The following CLASP1 variants were observed in gnomAD, a reference collection of about 807,000 sequenced individuals.
CLASP1 encodes CLIP-associating protein 1.
A neutral mutation model predicts 192.3 loss-of-function variants in CLASP1; 38 were observed. The observed-to-expected ratio is 0.20, with a 90% CI of 0.15 to 0.26. CLASP1 has a LOEUF of 0.26. Ranked by LOEUF, CLASP1 falls within the 10% of genes least tolerant of loss-of-function variation. The pLI is 1.00. For synonymous variants in CLASP1, 691 were observed against 712.8 expected (o/e 0.97, Z 0.49); for missense variants, 1,433 against 1,932.5 (o/e 0.74, Z 4.85).
chr2:121,480,778 C>CCA (rs891326670), intron 8 of CLASP1, among the ~76,000 whole-genome samples: 3 of 152,190 alleles, frequency 2.0e-5, no homozygotes, highest in African/African-American at 7.2e-5. Context: ...TGGAACCTGG[C>CCA]CACAGCATCA....
intron 7 of CLASP1, among the ~76,000 whole-genome samples, chr2:121,504,273 T>C (rs1425649802): frequency 6.6e-6 from 1 of 151,786 alleles, no homozygotes; most frequent in African/African-American, 2.4e-5. Context: ...TTCTCACAGG[T>C]ATACTGGAGT....
intron 8 of CLASP1, among the ~76,000 whole-genome samples, chr2:121,492,637 A>T (rs1348515242): frequency 6.6e-6 from 1 of 151,436 alleles, no homozygotes; most frequent in Non-Finnish European, 1.5e-5. Context: ...ATGAGACACT[A>T]CTTCATAATT....
chr2:121,551,829 CA>C (rs1240831304), intron 2 of CLASP1, among the ~76,000 whole-genome samples: 2 of 151,976 alleles, frequency 1.3e-5, no homozygotes, highest in Non-Finnish European at 2.9e-5. Flanking sequence ...TGACATTCTT[CA>C]AAGAACTAGA....
rs538084372 is a variant in CLASP1, at chr2:121,631,633, AGGCACAGT to A, written c.-286+17731_-286+17738del. On this transcript the variant is annotated intron_variant, in intron 1 of 39. Transcript: ENST00000263710. ...ATTTTTAAAATACATATTGCAGGCC[AGGCACAGT>A]GGCTCACACCTGTAATCCCAGCACT... Among the ~76,000 whole-genome samples, 79 of 151,820 alleles carry A rather than the reference AGGCACAGT, an allele frequency of 5.2e-4. 1 individual carries two copies. In the East Asian group the frequency reaches 0.013, roughly 25 times the overall value.
At chr2:121,483,400 G>T (rs569281592) in intron 8 of CLASP1, among the ~76,000 whole-genome samples, 1 of 152,026 alleles carries the variant, frequency 6.6e-6, no homozygotes, top group East Asian at 1.9e-4. Flanking sequence ...GAATCTGAAG[G>T]TTTTTCCTAG....
chr2:121,568,033 A>C (rs2059657848), intron 2 of CLASP1, among the ~76,000 whole-genome samples: 1 of 152,208 alleles, frequency 6.6e-6, no homozygotes. Flanking sequence ...TCAAGGCTTT[A>C]TACACTTTCA....
chr2:121,511,384 T>A (rs1399587110), intron 7 of CLASP1, among the ~76,000 whole-genome samples: 1 of 151,418 alleles, frequency 6.6e-6, no homozygotes, highest in Non-Finnish European at 1.5e-5. Flanking sequence ...AGGTCGGGGG[T>A]TCGAGATCAG....
intron 2 of CLASP1, among the ~76,000 whole-genome samples, chr2:121,577,762 G>A (rs1308347131): frequency 6.6e-6 from 1 of 152,066 alleles, no homozygotes; most frequent in African/African-American, 2.4e-5. Flanking sequence ...ACAAGATCTG[G>A]CATATAACTA....
intron 34 of CLASP1, among the ~76,000 whole-genome samples, chr2:121,369,460 A>G (rs1039194760): frequency 5.9e-5 from 9 of 152,190 alleles, no homozygotes; most frequent in Non-Finnish European, 7.3e-5. Context: ...ATGAAAAATT[A>G]TTTATAAAAA....
At chr2:121,582,025 T>C (rs2061228890) in intron 2 of CLASP1, among the ~76,000 whole-genome samples, 1 of 151,000 alleles carries the variant, frequency 6.6e-6, no homozygotes, top group Non-Finnish European at 1.5e-5. Flanking sequence ...TAGCCAGGTG[T>C]GGTGGCAGGT....
At chr2:121,576,373 C>A (rs1397916509) in intron 2 of CLASP1, among the ~76,000 whole-genome samples, 1 of 152,182 alleles carries the variant, frequency 6.6e-6, no homozygotes, top group Non-Finnish European at 1.5e-5. Flanking sequence ...CAAAACACAT[C>A]ATCTAGTGAG....
chr2:121,433,044 C>T (rs1171891872), intron 19 of CLASP1, among the ~76,000 whole-genome samples: 1 of 152,078 alleles, frequency 6.6e-6, no homozygotes, highest in African/African-American at 2.4e-5. Context: ...AAATTTGGCC[C>T]AGAGCGGTGG....
At chr2:121,438,629 C>T (rs1319996759) in intron 19 of CLASP1, among the ~76,000 whole-genome samples, 1 of 152,112 alleles carries the variant, frequency 6.6e-6, no homozygotes, top group African/African-American at 2.4e-5. Flanking sequence ...TGCTGGATTA[C>T]ATTTATTGAT....
intron 37 of CLASP1, among the ~76,000 whole-genome samples, chr2:121,351,791 C>T (rs79681129): frequency 6.6e-6 from 1 of 152,192 alleles, no homozygotes; most frequent in African/African-American, 2.4e-5. Context: ...ACCCAAGATT[C>T]GCCTGTGCTC....
chr2:121,537,311 G>A (rs2095112155), intron 2 of CLASP1, among the ~76,000 whole-genome samples: 1 of 151,870 alleles, frequency 6.6e-6, no homozygotes, highest in Non-Finnish European at 1.5e-5. Flanking sequence ...AGGATCGCTC[G>A]AGCCCAGGAG....
intron 2 of CLASP1, among the ~76,000 whole-genome samples, chr2:121,578,207 A>G (rs2060732806): frequency 6.6e-6 from 1 of 152,010 alleles, no homozygotes; most frequent in Non-Finnish European, 1.5e-5. Context: ...TGCAAGGATT[A>G]CACAGGCATG....
chr2:121,633,700 T>C (rs2070237448), intron 1 of CLASP1, among the ~76,000 whole-genome samples: 2 of 152,012 alleles, frequency 1.3e-5, no homozygotes, highest in African/African-American at 4.8e-5. Flanking sequence ...CACTGCTCTC[T>C]CAAAAATGGA....
At chr2:121,351,949 A>C (rs2064521130) in intron 37 of CLASP1, among the ~76,000 whole-genome samples, 1 of 152,236 alleles carries the variant, frequency 6.6e-6, no homozygotes, top group Non-Finnish European at 1.5e-5. Flanking sequence ...AGCACTGACC[A>C]GGTGCCTCCT....
In CLASP1 at chr2:121,645,273, C is replaced by T. The variant is rs144924518; in HGVS notation, c.-286+4099G>A. Among the ~76,000 whole-genome samples, 554 of 152,292 alleles carry T rather than the reference C, an allele frequency of 3.6e-3. 7 individuals are homozygous for T. The highest frequency in any genetic ancestry group is 5.3e-3 in the Non-Finnish European group (358 of 68,028). Reference sequence around the variant, plus strand: ...TGCTATTATGTGAAGAAGAAACAGACTTAATTCAGGTTCCTTCAGGAAGTA... The same window carrying T: ...TGCTATTATGTGAAGAAGAAACAGATTTAATTCAGGTTCCTTCAGGAAGTA... On this transcript the variant is annotated intron_variant, in intron 1 of 39. Coordinates refer to ENST00000263710, the Ensembl canonical transcript of CLASP1.
Sources: gnomAD v4.1 joint callset for allele counts (sites outside exome capture counted in the v4.1 genomes callset) on GRCh38, gnomAD v4.1.1 for gene constraint, MANE v1.5 for transcripts, NCBI Gene and HGNC (gene_info 2026-07-23, HGNC 2026-07-21) for gene names.